Variants in CTNNA3 observed in about 807,000 individuals in gnomAD.
The protein encoded by CTNNA3 is catenin alpha 3.
CTNNA3 carries 76 observed loss-of-function variants against 95.7 expected under a neutral mutation model. The observed-to-expected ratio is 0.79, with a 90% CI of 0.66 to 0.96. The LOEUF (loss-of-function observed/expected upper bound fraction) is 0.96. Ranked by LOEUF, CTNNA3 falls within the 40% of genes least tolerant of loss-of-function variation. CTNNA3 has a pLI of 0.00. For synonymous variants in CTNNA3, 431 were observed against 374.4 expected, an observed-to-expected ratio of 1.15 and a Z score of -1.74; for missense variants, 1,191 against 1,089.8, an observed-to-expected ratio of 1.09 and a Z score of -1.31.
chr10:67,445,479 C>T (rs1846712611), intron 5 of CTNNA3, among the ~76,000 whole-genome samples: 3 of 151,822 alleles, frequency 2.0e-5, no homozygotes, highest in African/African-American at 4.8e-5. Context: ...TTGCCCTTTG[C>T]CCCACTCCCA....
chr10:66,211,178 C>T (rs1022495523), intron 13 of CTNNA3, among the ~76,000 whole-genome samples: 3 of 152,150 alleles, frequency 2.0e-5, no homozygotes, highest in Admixed American at 6.5e-5. Flanking sequence ...AAGACAGCAG[C>T]CTGAGGAATT....
intron 9 of CTNNA3, among the ~76,000 whole-genome samples, chr10:66,743,690 G>A (rs2132704686): frequency 6.6e-6 from 1 of 152,118 alleles, no homozygotes; most frequent in East Asian, 1.9e-4. Context: ...GAAAGAAGGA[G>A]GAGGAGGTCG....
rs1355487813 is a variant in CTNNA3 at position 66,864,184 on chromosome 10, G to A, written c.1048-88660C>T. ...AAAGATCATGTGTTGGAAACTTAAT[G>A]TCCAATGCAACAGTGTTGGGAGGTG... On this transcript the variant is annotated intron_variant, in intron 7 of 17. Coordinates refer to ENST00000433211, the MANE Select transcript of CTNNA3 (RefSeq NM_013266.4). Among the ~76,000 whole-genome samples the A allele has an allele frequency of 2.0e-5, 3 of 152,132 alleles. No homozygotes were observed. In the South Asian group the frequency reaches 6.2e-4, roughly 32 times the overall value.
intron 10 of CTNNA3, among the ~76,000 whole-genome samples, chr10:66,568,665 T>C (rs964425721): frequency 2.0e-5 from 3 of 151,982 alleles, no homozygotes; most frequent in Non-Finnish European, 4.4e-5. Context: ...TTGCCTGCTG[T>C]CACAAAGCTA....
At chr10:66,930,051 T>G (rs1180673473) in intron 7 of CTNNA3, among the ~76,000 whole-genome samples, 1 of 151,758 alleles carries the variant, frequency 6.6e-6, no homozygotes, top group East Asian at 1.9e-4. Context: ...TGGCTATTTT[T>G]ACTAATTTTT....
rs879426256 is a variant in CTNNA3, at chr10:67,370,565, T to C, written c.580-150695A>G. ...TTTCATAATTTGGGGGTCCTGGTTA[T>C]ACATTTTACATCTGTAGGTTAGGAA... On this transcript the variant is annotated intron_variant, in intron 5 of 17. Coordinates refer to ENST00000433211, the MANE Select transcript of CTNNA3 (RefSeq NM_013266.4). 1.6e-4 allele frequency among the ~76,000 whole-genome samples: 25 copies of C among 152,228 alleles called. 1 individual carries two copies. Among genetic ancestry groups the C allele is most frequent in the South Asian group, 6.2e-4 (3 of 4,836 alleles).
chr10:67,168,353 T>A (rs1226434726), intron 7 of CTNNA3, among the ~76,000 whole-genome samples: 2 of 152,042 alleles, frequency 1.3e-5, no homozygotes, highest in East Asian at 3.9e-4. Flanking sequence ...CAGAGCTATA[T>A]CCTTGATGAA....
At chr10:67,450,105 CA>C (rs1846911921) in intron 5 of CTNNA3, among the ~76,000 whole-genome samples, 1 of 152,160 alleles carries the variant, frequency 6.6e-6, no homozygotes, top group Non-Finnish European at 1.5e-5. Flanking sequence ...GATGCCATCT[CA>C]CACCAGTCAG....
intron 13 of CTNNA3, among the ~76,000 whole-genome samples, chr10:66,255,255 A>C (rs1027401691): frequency 1.3e-5 from 2 of 152,194 alleles, no homozygotes; most frequent in Non-Finnish European, 2.9e-5. Flanking sequence ...ACCCCCAGAT[A>C]GAGTGAGCAA....
rs141577673 is a variant in CTNNA3 at position 66,103,371 on chromosome 10, C to T, written c.1885-122G>A. On this transcript the variant is annotated intron_variant, in intron 13 of 17. Transcript: ENST00000433211. ...TACCATATGACCCAGCAATTTCACTCCCAGTTATATACTCAAGAGAAAGGA... is the reference window on the plus strand; with the variant it reads ...TACCATATGACCCAGCAATTTCACTTCCAGTTATATACTCAAGAGAAAGGA... 2,120 of 713,392 alleles carry T rather than the reference C, an allele frequency of 3.0e-3. 26 individuals carry two copies. In the African/African-American group the frequency reaches 0.032, roughly 11 times the overall value. The allele number at this position is 713,392 out of a possible 1,614,324, so 44.2% of individuals were successfully genotyped here. A position where few individuals can be genotyped will look rare whatever the true frequency, so the allele number is the denominator to read the frequency against.
chr10:66,148,172 A>G (rs2083996271), intron 13 of CTNNA3, among the ~76,000 whole-genome samples: 1 of 151,910 alleles, frequency 6.6e-6, no homozygotes, highest in South Asian at 2.1e-4. Context: ...GTCATATATT[A>G]TGGGCATTAA....
At chr10:66,363,295 C>T (rs1398503433) in intron 12 of CTNNA3, among the ~76,000 whole-genome samples, 2 of 152,156 alleles carry the variant, frequency 1.3e-5, no homozygotes, top group African/African-American at 4.8e-5. Flanking sequence ...ACCCTAATCC[C>T]TAATGTGATG....
Position 66,668,457 on chromosome 10 carries a change from T to TGTGTGTGTGTGTGA in CTNNA3, c.1282-46674_1282-46673insTCACACACACACAC, listed in dbSNP as rs777242549. Among the ~76,000 whole-genome samples the TGTGTGTGTGTGTGA allele has an allele frequency of 7.1e-4, 106 of 149,822 alleles. 1 individual carries two copies. The highest frequency in any genetic ancestry group is 2.4e-3 in the African/African-American group (99 of 40,826). On this transcript the variant is annotated intron_variant, in intron 9 of 17. Coordinates refer to ENST00000433211, the MANE Select transcript of CTNNA3 (RefSeq NM_013266.4). ...GTGTGTGTGTGTGTGTGTGTGTGTG[T>TGTGTGTGTGTGTGA]GATACACATCCACATATATACATAC...
chr10:66,799,134 T>G (rs2132227990), intron 7 of CTNNA3, among the ~76,000 whole-genome samples: 1 of 151,570 alleles, frequency 6.6e-6, no homozygotes, highest in Admixed American at 6.6e-5. Flanking sequence ...AGAACAAACC[T>G]CAACACTCCT....
chr10:67,310,222 T>C (rs1840731586), intron 5 of CTNNA3, among the ~76,000 whole-genome samples: 1 of 152,192 alleles, frequency 6.6e-6, no homozygotes, highest in African/African-American at 2.4e-5. Context: ...TTTACCACTG[T>C]AAACCCTCTA....
At chr10:66,728,122 GT>G (rs1848836420) in intron 9 of CTNNA3, among the ~76,000 whole-genome samples, 1 of 152,114 alleles carries the variant, frequency 6.6e-6, no homozygotes, top group Non-Finnish European at 1.5e-5. Flanking sequence ...ATAAAATCTA[GT>G]TTTTCCTTCA....
chr10:67,010,251 G>A (rs556076683), intron 7 of CTNNA3, among the ~76,000 whole-genome samples: 7 of 152,252 alleles, frequency 4.6e-5, no homozygotes, highest in African/African-American at 1.4e-4. Context: ...CAACTAACAT[G>A]TCTCATAATT....
chr10:67,137,305 C>T (rs1306170661), intron 7 of CTNNA3, among the ~76,000 whole-genome samples: 8 of 100,900 alleles, frequency 7.9e-5, no homozygotes, highest in African/African-American at 4.4e-4. Flanking sequence ...GTTGCATTTT[C>T]TGTATTAAAA....
intron 7 of CTNNA3, among the ~76,000 whole-genome samples, chr10:66,896,670 T>C (rs1190163900): frequency 6.6e-6 from 1 of 152,302 alleles, no homozygotes; most frequent in Non-Finnish European, 1.5e-5. Context: ...GCCACACCCA[T>C]AGTACAAGGA....
Sources: allele counts gnomAD v4.1 joint callset (sites outside exome capture counted in the v4.1 genomes callset), GRCh38; gene constraint gnomAD v4.1.1; transcripts MANE v1.5; gene names NCBI Gene and HGNC (gene_info 2026-07-23, HGNC 2026-07-21).